The following ABCC9 variants were observed in gnomAD, a reference collection of about 807,000 sequenced individuals.
The protein encoded by ABCC9 is ATP binding cassette subfamily C member 9.
Under a neutral mutation model 188.3 loss-of-function variants are expected in ABCC9, and 95 were observed. That is an observed-to-expected ratio of 0.50 (90% CI 0.43 to 0.60). The LOEUF is 0.60. ABCC9 is among the 20% of genes least tolerant of loss of function. ABCC9 has a pLI of 0.00. For synonymous variants in ABCC9, 659 were observed against 652.7 expected (o/e 1.01, Z -0.15); for missense variants, 1,102 against 1,876.3 (o/e 0.59, Z 7.62).
At chr12:21,894,994 T>G (rs1209468238) in intron 13 of ABCC9, among the ~76,000 whole-genome samples, 1 of 152,172 alleles carries the variant, frequency 6.6e-6, no homozygotes, top group African/African-American at 2.4e-5. Flanking sequence ...GTTTTGATTG[T>G]TGTAACTGAG....
Position 21,814,706 on chromosome 12 carries a change from C to T in ABCC9, c.4040G>A (p.Arg1347His), listed in dbSNP as rs868834502. The part of the protein sequence containing the change: ...KPGQKVGICG[R>H]TGSGKSSLSL... ...TAACGATGATTTCCCACTGCCAGTGCGACCACATATGCCCACCTAGGAAAA... is the reference window on the plus strand; with the variant it reads ...TAACGATGATTTCCCACTGCCAGTGTGACCACATATGCCCACCTAGGAAAA... Residue 1347 changes from arginine (R) to histidine (H), a missense_variant, in exon 35 of 40, where the codon CGC (arginine) becomes CAC (histidine). Around this residue, in one of 12 missense-constraint regions of ABCC9, gnomAD observed 3 missense variants for 24.8 expected, o/e 0.12. Transcript: ENST00000261200. 6.2e-7 allele frequency: 1 copy of T among 1,613,826 alleles called. No homozygotes were observed. The highest frequency in any genetic ancestry group is 1.7e-4 in the Middle Eastern group (1 of 6,060).
chr12:21,837,914 C>T (rs1435215858), intron 30 of ABCC9, among the ~76,000 whole-genome samples, 164 bp downstream of exon 30: 2 of 152,150 alleles, frequency 1.3e-5, no homozygotes, highest in Non-Finnish European at 2.9e-5. Flanking sequence ...TAAACTCTAA[C>T]TCTGATCATT....
intron 35 of ABCC9, among the ~76,000 whole-genome samples, chr12:21,813,619 AT>A (rs1189587994): frequency 1.3e-5 from 2 of 152,138 alleles, no homozygotes; most frequent in Non-Finnish European, 1.5e-5. Flanking sequence ...ATGTCAGTTG[AT>A]TTTTGATCAC....
At chr12:21,870,060 AC>A (rs1484343069) in intron 18 of ABCC9, among the ~76,000 whole-genome samples, 2 of 151,502 alleles carry the variant, frequency 1.3e-5, no homozygotes, top group Non-Finnish European at 2.9e-5. Context: ...CACATCCTTC[AC>A]CCCCTCCTGC....
chr12:21,864,523 T>C, intron 18 of ABCC9, 46 bp from the exon 19 acceptor site: 1 of 1,376,630 alleles, frequency 7.3e-7, no homozygotes. Flanking sequence ...AGTAGAAATA[T>C]AGAACCAATG....
intron 12 of ABCC9, among the ~76,000 whole-genome samples, chr12:21,895,540 T>A (rs1947357843): frequency 6.6e-6 from 1 of 152,208 alleles, no homozygotes; most frequent in African/African-American, 2.4e-5. Flanking sequence ...TTTTCTTTAT[T>A]GAATTTTTTT....
chr12:21,915,514 A>ATATATATTTTTTT, intron 7 of ABCC9, among the ~76,000 whole-genome samples, 154 bp downstream of exon 7: 2 of 3,522 alleles, frequency 5.7e-4, no homozygotes, highest in African/African-American at 1.1e-3. Context: ...ATATATATAT[A>ATATATATTTTTTT]TTTTTTTTTT....
At chr12:21,891,228 G>A (rs954840463) in intron 14 of ABCC9, among the ~76,000 whole-genome samples, 1 of 152,172 alleles carries the variant, frequency 6.6e-6, no homozygotes, top group Non-Finnish European at 1.5e-5. Flanking sequence ...CACATCCACA[G>A]AAGATGCTCT....
chr12:21,883,815 T>C (rs993375237), intron 15 of ABCC9, among the ~76,000 whole-genome samples: 1 of 152,140 alleles, frequency 6.6e-6, no homozygotes, highest in Non-Finnish European at 1.5e-5. Context: ...GTTATAGCCC[T>C]ATTCCTAGTC....
chr12:21,910,686 A>C, intron 9 of ABCC9, 140 bp downstream of exon 9: 1 of 745,734 alleles, frequency 1.3e-6, no homozygotes, highest in Admixed American at 2.6e-5. Context: ...TCTTTCATTA[A>C]GTAGATTATA....
Position 21,807,271 on chromosome 12 carries a change from A to G in ABCC9, c.4449+75T>C, listed in dbSNP as rs1941922431. The G allele has an allele frequency of 3.8e-6, 6 of 1,599,128 alleles. No individual in the cohort carries two copies. The Admixed American group carries it at 8.3e-5, about 22-fold the overall frequency. On this transcript the variant is annotated intron_variant, in intron 38 of 39. Transcript: ENST00000261200. Reference sequence around the variant, plus strand: ...AGTACTGAGGATTCAGAACCCAATCAGGAAATAATAAATTGTAATTTTCAT... The same window carrying G: ...AGTACTGAGGATTCAGAACCCAATCGGGAAATAATAAATTGTAATTTTCAT...
intron 16 of ABCC9, 94 bp from the exon 17 acceptor site, chr12:21,875,820 C>T: frequency 1.0e-6 from 1 of 1,003,634 alleles, no homozygotes; most frequent in Non-Finnish European, 1.5e-6. Context: ...CGCAGTGGCT[C>T]ATGCCTGTAA....
At chr12:21,923,762 C>A in intron 5 of ABCC9, 1 of 678,500 alleles carries the variant, frequency 1.5e-6, no homozygotes, top group South Asian at 1.6e-5. Flanking sequence ...CCAGAGATTT[C>A]ACTCTTAGGT....
chr12:21,910,702 G>A (rs1478096318), intron 9 of ABCC9, 124 bp downstream of exon 9: 3 of 820,516 alleles, frequency 3.7e-6, no homozygotes, highest in African/African-American at 3.5e-5. Context: ...TTATAGAAAC[G>A]TTGTTGTTGT....
chr12:21,881,335 T>G (rs1359853258), intron 16 of ABCC9, among the ~76,000 whole-genome samples: 1 of 152,206 alleles, frequency 6.6e-6, no homozygotes, highest in African/African-American at 2.4e-5. Flanking sequence ...AAAATTAATT[T>G]GGGCTTGAAA....
At chr12:21,863,894 C>T (rs1016342904) in intron 19 of ABCC9, among the ~76,000 whole-genome samples, 22 of 152,202 alleles carry the variant, frequency 1.4e-4, no homozygotes, top group African/African-American at 4.6e-4. Context: ...TAAAACATTA[C>T]GTCTTAGGAG....
intron 16 of ABCC9, among the ~76,000 whole-genome samples, chr12:21,881,985 T>C (rs1946641959): frequency 6.6e-6 from 1 of 152,124 alleles, no homozygotes. Flanking sequence ...TTGTTCTGAT[T>C]ATGAAGTGGC....
intron 31 of ABCC9, among the ~76,000 whole-genome samples, chr12:21,819,997 G>A (rs1463930583): frequency 1.3e-5 from 2 of 152,104 alleles, no homozygotes; most frequent in Admixed American, 6.6e-5. Flanking sequence ...TGGATGCAGA[G>A]AATAACCAGT....
intron 35 of ABCC9, among the ~76,000 whole-genome samples, 187 bp downstream of exon 35, chr12:21,814,457 T>G (rs982134285): frequency 3.3e-5 from 5 of 152,346 alleles, no homozygotes; most frequent in Admixed American, 2.0e-4. Context: ...CTCATCATTT[T>G]ATTTCCCCAA....
Sources: gnomAD v4.1 joint callset for allele counts (sites outside exome capture counted in the v4.1 genomes callset) on GRCh38, gnomAD v4.1.1 for gene constraint, gnomAD v4.1.1 regional missense constraint, MANE v1.5 for transcripts, NCBI Gene and HGNC (gene_info 2026-07-23, HGNC 2026-07-21) for gene names.